Variants in PROM1 observed in about 807,000 individuals in gnomAD.
PROM1 encodes prominin-1.
Under a neutral mutation model 116.9 loss-of-function variants are expected in PROM1, and 105 were observed. The observed-to-expected ratio is 0.90, with a 90% CI of 0.77 to 1.06. The LOEUF is 1.06. PROM1 is among the 50% of genes least tolerant of loss of function. The pLI, the probability that PROM1 is intolerant of heterozygous loss-of-function variation, is 0.00. For missense variants in PROM1, 1,122 were observed against 1,045.2 expected (o/e 1.07, Z -1.01); for synonymous variants, 393 against 387.0 (o/e 1.02, Z -0.18).
chr4:16,031,199 T>C (rs1732619186), intron 5 of PROM1, among the ~76,000 whole-genome samples: 1 of 152,230 alleles, frequency 6.6e-6, no homozygotes, highest in Non-Finnish European at 1.5e-5. Flanking sequence ...GTTAAATAAG[T>C]AATCATTCTA....
At chr4:16,081,419 A>T (rs1005048360) in intron 1 of PROM1, among the ~76,000 whole-genome samples, 5 of 152,284 alleles carry the variant, frequency 3.3e-5, no homozygotes, top group South Asian at 2.1e-4. Flanking sequence ...AACCATAAAA[A>T]CCCTAGAAGA....
Position 16,033,367 on chromosome 4 carries a change from T to C in PROM1, c.446A>G (p.Glu149Gly). The C allele has an allele frequency of 6.2e-7, 1 of 1,613,914 alleles. No homozygotes were observed. The highest frequency in any genetic ancestry group is 8.5e-7 in the Non-Finnish European group (1 of 1,179,860). ...GCATTTCCTCAGGAAGGGCCCATTT[T>C]CCTTCTGTCGCTGGTGCATTTCTCC... ...CGGEMHQRQK[E>G]NGPFLRKCFA... The change falls in exon 5 of 28, where the codon GAA becomes GGA. Residue 149 changes from glutamate (E) to glycine (G), a missense_variant. By Grantham distance (98) the Glu-to-Gly change is moderately conservative. Transcript: ENST00000447510.
chr4:16,080,005 T>A (rs1223046716), intron 1 of PROM1: 1 of 40,452 alleles, frequency 2.5e-5, no homozygotes, highest in East Asian at 9.6e-4. Flanking sequence ...AGAGGCCCTG[T>A]CTCTACAAAA....
In PROM1 at chr4:16,019,145, G is replaced by A. The variant is rs921309436; in HGVS notation, c.785-605C>T. Among the ~76,000 whole-genome samples the A allele has an allele frequency of 8.5e-5, 13 of 152,092 alleles. No homozygotes were observed. In the East Asian group the frequency reaches 9.6e-4, roughly 11 times the overall value. On this transcript the variant is annotated intron_variant, in intron 8 of 27. Transcript: ENST00000447510. ...CATCATGCAACATGGGGGTTAGATC[G>A]GCCAGATGAAAATGCCTCAAAGGCA...
chr4:16,065,529 G>A (rs921141085), intron 2 of PROM1, among the ~76,000 whole-genome samples: 1 of 152,180 alleles, frequency 6.6e-6, no homozygotes, highest in Non-Finnish European at 1.5e-5. Flanking sequence ...GATTGTGGAG[G>A]TGGAGGTCTC....
At chr4:15,981,818 T>C (rs1220923866) in intron 23 of PROM1, among the ~76,000 whole-genome samples, 2 of 152,212 alleles carry the variant, frequency 1.3e-5, no homozygotes, top group African/African-American at 2.4e-5. Context: ...TTTTAAATAG[T>C]TGCCAACATT....
rs921541053 is a variant in PROM1, at chr4:16,076,951, G to C, written c.-212-833C>G. 5.9e-5 allele frequency among the ~76,000 whole-genome samples: 9 copies of C among 152,104 alleles called. No individual in the cohort carries two copies. In the South Asian group the frequency reaches 6.2e-4, roughly 10 times the overall value. ...AACTACCCAGGGACACAAACATTGC[G>C]GAAGGCCGGAAGACCGCAGGGACCT... On this transcript the variant is annotated intron_variant, in intron 1 of 27. Coordinates refer to ENST00000447510, the MANE Select transcript of PROM1 (RefSeq NM_006017.3).
intron 13 of PROM1, among the ~76,000 whole-genome samples, chr4:16,002,515 T>C (rs1724133476): frequency 6.6e-6 from 1 of 152,216 alleles, no homozygotes; most frequent in South Asian, 2.1e-4. Flanking sequence ...AAGGGCACGA[T>C]TCTCCCCTTT....
intron 19 of PROM1, among the ~76,000 whole-genome samples, chr4:15,988,125 C>T (rs181318316): frequency 4.1e-4 from 62 of 152,288 alleles, no homozygotes; most frequent in African/African-American, 1.5e-3. Context: ...ATCCACCCGC[C>T]TCGGCCTCCC....
intron 9 of PROM1, 84 bp from the exon 10 acceptor site, chr4:16,016,324 C>T: frequency 1.8e-6 from 2 of 1,131,380 alleles, no homozygotes; most frequent in African/African-American, 1.6e-5. Context: ...TTGTATATTC[C>T]AAGTCCCAAA....
rs559713342 is a variant in PROM1 at position 16,014,996 on chromosome 4, G to C, written c.1077+1170C>G. Among the ~76,000 whole-genome samples, 68 of 152,288 alleles carry C rather than the reference G, an allele frequency of 4.5e-4. 2 individuals are homozygous for C. The highest frequency in any genetic ancestry group is 1.5e-3 in the African/African-American group (64 of 41,558). On this transcript the variant is annotated intron_variant, in intron 10 of 27. Transcript: ENST00000447510. ...ACAGAGAATATTTGCAATGCTGCAGGAATGTATTAAAAAGGGTTTGACCTA... is the reference window on the plus strand; with the variant it reads ...ACAGAGAATATTTGCAATGCTGCAGCAATGTATTAAAAAGGGTTTGACCTA...
At chr4:16,071,548 A>G (rs1208968010) in intron 2 of PROM1, among the ~76,000 whole-genome samples, 1 of 152,162 alleles carries the variant, frequency 6.6e-6, no homozygotes, top group Non-Finnish European at 1.5e-5. Flanking sequence ...CATAAGGGTG[A>G]GACCTTCATG....
At chr4:15,992,206 T>C (rs748427755) in intron 17 of PROM1, 42 bp downstream of exon 17, 6 of 1,597,300 alleles carry the variant, frequency 3.8e-6, no homozygotes, top group African/African-American at 1.4e-5. Flanking sequence ...TCTGACACTT[T>C]AATTTCTCCT....
At chr4:16,054,047 T>C (rs973871203) in intron 2 of PROM1, among the ~76,000 whole-genome samples, 15 of 152,196 alleles carry the variant, frequency 9.9e-5, no homozygotes, top group African/African-American at 3.6e-4. Context: ...TGAGCCAGGA[T>C]TGTGCCACTG....
At chr4:16,018,790 G>A (rs767449208) in intron 8 of PROM1, among the ~76,000 whole-genome samples, 6 of 152,182 alleles carry the variant, frequency 3.9e-5, no homozygotes, top group African/African-American at 1.2e-4. Flanking sequence ...CACCAACCCA[G>A]GAGCATGATG....
At chr4:15,980,915 C>A (rs184736058) in intron 23 of PROM1, among the ~76,000 whole-genome samples, 133 of 150,974 alleles carry the variant, frequency 8.8e-4, no homozygotes, top group African/African-American at 3.1e-3. Flanking sequence ...GGATGGCCAG[C>A]AGGTTTGAGT....
chr4:16,000,920 G>A lies in PROM1; in HGVS notation c.1455-301C>T, dbSNP rs180778746. On this transcript the variant is annotated intron_variant, in intron 13 of 27. Coordinates refer to ENST00000447510, the MANE Select transcript of PROM1 (RefSeq NM_006017.3). ...GGGGAGGGACAGCTCCAGGGAAGGC[G>A]GGGATGTACTGTATAGGGGCCTGGG... Among the ~76,000 whole-genome samples the A allele has an allele frequency of 4.7e-4, 71 of 151,918 alleles. 1 individual carries two copies. The highest frequency in any genetic ancestry group is 1.6e-3 in the African/African-American group (67 of 41,450).
In PROM1 at chr4:16,060,797, T is replaced by C. The variant is rs563980465; in HGVS notation, c.220+14890A>G. Among the ~76,000 whole-genome samples, 7 of 152,376 alleles carry C rather than the reference T, an allele frequency of 4.6e-5. No individual in the cohort carries two copies. The East Asian group carries it at 5.8e-4, about 13-fold the overall frequency. On this transcript the variant is annotated intron_variant, in intron 2 of 27. Coordinates refer to ENST00000447510, the MANE Select transcript of PROM1 (RefSeq NM_006017.3). The stretch of plus-strand genomic sequence containing the variant: ...ATTTGCGTTTTTCCCAACATATATA[T>C]ACATTGTTTTAAAATTTAGAATAAA...
intron 25 of PROM1, 100 bp from the exon 26 acceptor site, chr4:15,979,563 G>GT (rs1307668592): frequency 7.0e-7 from 1 of 1,420,658 alleles, no homozygotes; most frequent in Non-Finnish European, 9.2e-7. Flanking sequence ...TGAAAAGTAT[G>GT]TAACAATTTG....
Sources: allele counts gnomAD v4.1 joint callset (sites outside exome capture counted in the v4.1 genomes callset), GRCh38; gene constraint gnomAD v4.1.1; transcripts MANE v1.5; gene names NCBI Gene and HGNC (gene_info 2026-07-23, HGNC 2026-07-21).